Variants in PCDH9 observed in about 807,000 individuals in gnomAD.
The protein encoded by PCDH9 is protocadherin-9.
In PCDH9, 24 loss-of-function variants were observed where a neutral mutation model predicts 70.6. That is an observed-to-expected ratio of 0.34 (90% CI 0.25 to 0.48). The LOEUF (loss-of-function observed/expected upper bound fraction) is 0.48, where lower values mean the gene tolerates loss of function less well. Ranked by LOEUF, PCDH9 falls within the 20% of genes least tolerant of loss-of-function variation. The pLI is 0.99. For missense variants in PCDH9, 1,281 were observed against 1,503.6 expected, an observed-to-expected ratio of 0.85 and a Z score of 2.45; for synonymous variants, 562 against 558.5, an observed-to-expected ratio of 1.01 and a Z score of -0.09.
chr13:66,642,702 A>G (rs569543188), intron 3 of PCDH9, among the ~76,000 whole-genome samples: 54 of 152,162 alleles, frequency 3.5e-4, no homozygotes, highest in African/African-American at 1.2e-3. Context: ...ATTTTTTAAA[A>G]AAAGAAATCA....
At chr13:66,840,857 A>G (rs1566232362) in intron 3 of PCDH9, among the ~76,000 whole-genome samples, 1 of 152,226 alleles carries the variant, frequency 6.6e-6, no homozygotes, top group Non-Finnish European at 1.5e-5. Flanking sequence ...AGGGAGGTGC[A>G]AGAACCAAGG....
At chr13:66,540,631 T>C (rs1960914432) in intron 4 of PCDH9, among the ~76,000 whole-genome samples, 1 of 152,220 alleles carries the variant, frequency 6.6e-6, no homozygotes, top group Non-Finnish European at 1.5e-5. Context: ...CTTTTCTTTC[T>C]GTATAAGAAC....
At chr13:66,767,214 T>C (rs2139264821) in intron 3 of PCDH9, among the ~76,000 whole-genome samples, 1 of 151,178 alleles carries the variant, frequency 6.6e-6, no homozygotes. Context: ...TTCCCGGCAC[T>C]GTGCTGGGGA....
In PCDH9 at chr13:66,498,711, C is replaced by T. The variant is rs184885981; in HGVS notation, c.3340+132499G>A. Among the ~76,000 whole-genome samples, 356 of 152,126 alleles carry T rather than the reference C, an allele frequency of 2.3e-3. 3 individuals carry two copies. The highest frequency in any genetic ancestry group is 8.3e-3 in the African/African-American group (343 of 41,486). On this transcript the variant is annotated intron_variant, in intron 4 of 4. Coordinates refer to ENST00000377865, the MANE Select transcript of PCDH9 (RefSeq NM_203487.3). ...AATTAAACGAATGTTTTAATAAGGT[C>T]CTGAAAAAATTTTTTTTTAATGTAC...
chr13:66,637,956 A>G lies in PCDH9; in HGVS notation c.3139-6545T>C, dbSNP rs540469834. On this transcript the variant is annotated intron_variant, in intron 3 of 4. Coordinates refer to ENST00000377865, the MANE Select transcript of PCDH9 (RefSeq NM_203487.3). ...ATTTAATTTTCTATTTTAGTATGTT[A>G]CATTTTTTTAGACAAGGAAGTAAGG... 1.1e-4 allele frequency among the ~76,000 whole-genome samples: 16 copies of G among 152,184 alleles called. No homozygotes were observed. In the South Asian group the frequency reaches 3.3e-3, roughly 32 times the overall value.
chr13:66,517,534 G>T (rs1039848569), intron 4 of PCDH9, among the ~76,000 whole-genome samples: 11 of 152,110 alleles, frequency 7.2e-5, no homozygotes, highest in Non-Finnish European at 8.8e-5. Flanking sequence ...AATATCCACT[G>T]TGTTCTTCAC....
In PCDH9 at chr13:66,916,133, G is replaced by A. The variant is rs576830740; in HGVS notation, c.3037-12528C>T. Among the ~76,000 whole-genome samples, 3 of 151,622 alleles carry A rather than the reference G, an allele frequency of 2.0e-5. No individual in the cohort carries two copies. In the South Asian group the frequency reaches 6.2e-4, roughly 32 times the overall value. On this transcript the variant is annotated intron_variant, in intron 2 of 4. Coordinates refer to ENST00000377865, the MANE Select transcript of PCDH9 (RefSeq NM_203487.3). Reference sequence around the variant, plus strand: ...GATGTATTTTATATAGATGACATAAGGTAAAAATTATCTGAATTCCCTTTA... The same window carrying A: ...GATGTATTTTATATAGATGACATAAAGTAAAAATTATCTGAATTCCCTTTA...
chr13:66,726,223 A>G (rs1201779506), intron 3 of PCDH9, among the ~76,000 whole-genome samples: 1 of 152,184 alleles, frequency 6.6e-6, no homozygotes, highest in African/African-American at 2.4e-5. Flanking sequence ...GGCAATATGG[A>G]ACAGTCACCA....
chr13:67,084,895 A>G (rs1263722158), intron 2 of PCDH9, among the ~76,000 whole-genome samples: 1 of 133,426 alleles, frequency 7.5e-6, no homozygotes, highest in Non-Finnish European at 1.6e-5. Flanking sequence ...TAAACCCGGA[A>G]GGTGGAGGTT....
intron 4 of PCDH9, among the ~76,000 whole-genome samples, chr13:66,543,298 C>G (rs1285518107): frequency 6.6e-6 from 1 of 152,090 alleles, no homozygotes; most frequent in African/African-American, 2.4e-5. Context: ...TGGCCGGGCA[C>G]AGTGGCTCAC....
intron 2 of PCDH9, among the ~76,000 whole-genome samples, chr13:66,961,028 C>A (rs1472847605): frequency 6.6e-6 from 1 of 152,044 alleles, no homozygotes; most frequent in African/African-American, 2.4e-5. Flanking sequence ...GTATTCAAAC[C>A]TTTGTCTATC....
At chr13:66,363,590 A>T (rs1956506387) in intron 4 of PCDH9, among the ~76,000 whole-genome samples, 1 of 152,200 alleles carries the variant, frequency 6.6e-6, no homozygotes, top group Non-Finnish European at 1.5e-5. Flanking sequence ...GACTATTACA[A>T]GTCCATCATT....
intron 2 of PCDH9, chr13:66,990,773 T>G (rs2083986868): frequency 6.6e-6 from 1 of 151,876 alleles, no homozygotes; most frequent in South Asian, 2.1e-4. Flanking sequence ...TATTTATGTT[T>G]ACTTAATTTG....
At chr13:66,469,924 C>T (rs12873020) in intron 4 of PCDH9, among the ~76,000 whole-genome samples, 28,342 of 152,128 alleles carry the variant, frequency 0.19, 2,721 homozygotes, top group Non-Finnish European at 0.2. Flanking sequence ...TTTAATCGTC[C>T]TTCAAAGCTA....
intron 2 of PCDH9, among the ~76,000 whole-genome samples, chr13:67,197,481 A>C (rs952855152): frequency 3.3e-5 from 5 of 152,018 alleles, no homozygotes; most frequent in Non-Finnish European, 7.4e-5. Context: ...TTGCATTGAG[A>C]GCCCAATAAC....
In PCDH9 at chr13:67,226,430, T is replaced by A; in HGVS notation, c.2011A>T (p.Asn671Tyr). The change falls in exon 2 of 5, where the codon AAC (asparagine) becomes TAC (tyrosine). Residue 671 changes from asparagine to tyrosine, a missense_variant. By Grantham distance (143) the Asn-to-Tyr change is moderately radical. Around this residue, in one of 4 missense-constraint regions of PCDH9, gnomAD observed 798 missense variants for 1,003.1 expected, o/e 0.80. Coordinates refer to ENST00000377865, the MANE Select transcript of PCDH9 (RefSeq NM_203487.3). The surrounding 1 kb of genome is among the most constrained non-coding windows in gnomAD (Gnocchi z 5.0). ...GGTGGAGAAATGACAACTGGGCTGT[T>A]GTCATTGACATCCATGACGTTGATA... Reference protein sequence around the residue: ...VTINVMDVNDNSPVVISPPSN... With the variant: ...VTINVMDVNDYSPVVISPPSN... The A allele has an allele frequency of 6.2e-7, 1 of 1,614,128 alleles. No homozygotes were observed. The highest frequency in any genetic ancestry group is 8.5e-7 in the Non-Finnish European group (1 of 1,179,944).
chr13:67,151,881 C>T (rs942056017), intron 2 of PCDH9, among the ~76,000 whole-genome samples: 1 of 151,994 alleles, frequency 6.6e-6, no homozygotes, highest in African/African-American at 2.4e-5. Flanking sequence ...GGCACCAAAG[C>T]TCAAATGCAC....
chr13:66,520,503 A>G (rs6562458), intron 4 of PCDH9, among the ~76,000 whole-genome samples: 145,833 of 152,266 alleles, frequency 0.96, 70,180 homozygotes, highest in East Asian at 1. Context: ...TCAAAGCCAC[A>G]TGAAAACCTG....
chr13:66,808,127 T>C (rs1220663122), intron 3 of PCDH9, among the ~76,000 whole-genome samples: 1 of 152,180 alleles, frequency 6.6e-6, no homozygotes, highest in African/African-American at 2.4e-5. Context: ...TAGACATTAC[T>C]ATCTAATAAC....
Sources: gnomAD v4.1 joint callset for allele counts (sites outside exome capture counted in the v4.1 genomes callset) on GRCh38, gnomAD v4.1.1 for gene constraint, gnomAD v4.1.1 regional missense constraint, Gnocchi (gnomAD v3.1) non-coding constraint, MANE v1.5 for transcripts, NCBI Gene and HGNC (gene_info 2026-07-23, HGNC 2026-07-21) for gene names.